Variants in WLS observed in about 807,000 individuals in gnomAD.
The protein encoded by WLS is Wnt ligand secretion mediator.
Under a neutral mutation model 62.8 loss-of-function variants are expected in WLS, and 23 were observed. That is an observed-to-expected ratio of 0.37 (90% CI 0.26 to 0.52). The LOEUF (loss-of-function observed/expected upper bound fraction) is 0.52, where lower values mean the gene tolerates loss of function less well. Ranked by LOEUF, WLS falls within the 20% of genes least tolerant of loss-of-function variation. The probability of loss-of-function intolerance (pLI) is 0.92; values close to 1 mark genes in which losing one functional copy is unlikely to be tolerated. For missense variants in WLS, 615 were observed against 697.3 expected (o/e 0.88, Z 1.33); for synonymous variants, 246 against 244.1 (o/e 1.01, Z -0.07).
At chr1:68,199,928 T>C (rs1025580325) in intron 1 of WLS, among the ~76,000 whole-genome samples, 1 of 152,110 alleles carries the variant, frequency 6.6e-6, no homozygotes, top group African/African-American at 2.4e-5. Context: ...GAAGTCTCAG[T>C]CATCAGGTAA....
At chr1:68,098,816 G>C (rs938200957) in intron 11 of WLS, 578 of 1,566,604 alleles carry the variant, frequency 3.7e-4, no homozygotes, top group Non-Finnish European at 4.6e-4. Flanking sequence ...ATGTAACATG[G>C]AGTTTAGGAC....
rs577487551 is a variant in WLS, at chr1:68,110,353, A to C, written c.1511-11600T>G. ...CAGAAAAATATAACTTGTGAAACCA[A>C]TTGAAGAAATGGAAAACCTAAATAG... On this transcript the variant is annotated intron_variant, in intron 11 of 11. Coordinates refer to the WLS transcript ENST00000354777. Among the ~76,000 whole-genome samples the C allele has an allele frequency of 3.9e-5, 6 of 152,246 alleles. No individual in the cohort carries two copies. In the South Asian group the frequency reaches 1.0e-3, roughly 26 times the overall value.
chr1:68,127,017 C>A (rs1231513094), intron 11 of WLS: 1 of 341,626 alleles, frequency 2.9e-6, no homozygotes, highest in Non-Finnish European at 5.8e-6. Context: ...AGAGCGAGAC[C>A]CTGACTCTAA....
At chr1:68,211,805 G>C (rs1407119013) in intron 1 of WLS, among the ~76,000 whole-genome samples, 1 of 152,184 alleles carries the variant, frequency 6.6e-6, no homozygotes, top group African/African-American at 2.4e-5. Context: ...TGCCATGTCT[G>C]CAAGAAGCCT....
rs771350931 is a variant in WLS at position 68,232,377 on chromosome 1, T to C, written c.-78A>G. 1.5e-4 allele frequency: 225 copies of C among 1,525,838 alleles called. 1 individual carries two copies. Among genetic ancestry groups the C allele is most frequent in the Middle Eastern group, 5.2e-4 (3 of 5,820 alleles). 94.5% of individuals were successfully genotyped at this position (1,525,838 alleles called of 1,614,324 possible). A position where few individuals can be genotyped will look rare whatever the true frequency, so the allele number is the denominator to read the frequency against. On this transcript the variant is annotated 5_prime_UTR_variant, in exon 1 of 12. Coordinates refer to ENST00000262348, the MANE Select transcript of WLS (RefSeq NM_024911.7). Reference sequence around the variant, plus strand: ...CTTTTTGCTCCCTCCTCTCACACACTCCCTCCTTCCTCGCCTCCTTTCTGG... The same window carrying C: ...CTTTTTGCTCCCTCCTCTCACACACCCCCTCCTTCCTCGCCTCCTTTCTGG...
chr1:68,222,176 T>G (rs984954781), intron 1 of WLS, among the ~76,000 whole-genome samples: 1 of 152,178 alleles, frequency 6.6e-6, no homozygotes, highest in African/African-American at 2.4e-5. Flanking sequence ...GCAAGGACTG[T>G]GCTTTGGATT....
intron 2 of WLS, chr1:68,162,948 A>T: frequency 6.3e-7 from 1 of 1,588,224 alleles, no homozygotes; most frequent in South Asian, 1.1e-5. Flanking sequence ...CAGGATGGGC[A>T]TCTCCACAGT....
At chr1:68,194,663 T>C (rs185175472) in intron 1 of WLS, among the ~76,000 whole-genome samples, 13 of 152,310 alleles carry the variant, frequency 8.5e-5, no homozygotes, top group African/African-American at 2.4e-4. Flanking sequence ...GAATCTTGGG[T>C]AAGTCAGTTA....
chr1:68,228,149 C>T, intron 1 of WLS: 1 of 381,956 alleles, frequency 2.6e-6, no homozygotes, highest in South Asian at 2.0e-5. Flanking sequence ...AGGCCACTCA[C>T]ATAAGTTACC....
intron 11 of WLS, among the ~76,000 whole-genome samples, chr1:68,100,264 T>G (rs1198141571): frequency 6.6e-6 from 1 of 152,194 alleles, no homozygotes; most frequent in Non-Finnish European, 1.5e-5. Context: ...CTGGTTCTTT[T>G]CTGCTGCTCT....
At chr1:68,207,146 T>C (rs1415805408) in intron 1 of WLS, among the ~76,000 whole-genome samples, 2 of 152,242 alleles carry the variant, frequency 1.3e-5, no homozygotes, top group East Asian at 3.8e-4. Flanking sequence ...TTTAGCACAG[T>C]GAATTATACC....
intron 2 of WLS, among the ~76,000 whole-genome samples, chr1:68,165,444 T>C (rs1271196485): frequency 6.6e-6 from 1 of 152,162 alleles, no homozygotes; most frequent in Non-Finnish European, 1.5e-5. Flanking sequence ...CTCCAGAACA[T>C]TCTGCCTAGA....
At chr1:68,107,619 TGAGA>T (rs370880598) in intron 11 of WLS, among the ~76,000 whole-genome samples, 1 of 152,146 alleles carries the variant, frequency 6.6e-6, no homozygotes, top group Non-Finnish European at 1.5e-5. Context: ...TACCTCACTC[TGAGA>T]GAGAAGGGGG....
chr1:68,129,905 G>A (rs978516932), intron 11 of WLS, among the ~76,000 whole-genome samples: 1 of 152,210 alleles, frequency 6.6e-6, no homozygotes, highest in Non-Finnish European at 1.5e-5. Context: ...TTAGTTTGCA[G>A]TAAATTTCTC....
intron 2 of WLS, chr1:68,162,199 C>T (rs138222216): frequency 2.1e-6 from 3 of 1,438,700 alleles, no homozygotes; most frequent in African/African-American, 1.4e-5. Flanking sequence ...CTCCGACTCA[C>T]GCACATAGAG....
rs142609210 is a variant in WLS at position 68,223,615 on chromosome 1, T to C, written c.106+8579A>G. 1.6e-4 allele frequency among the ~76,000 whole-genome samples: 25 copies of C among 152,358 alleles called. No homozygotes were observed. In the East Asian group the frequency reaches 4.8e-3, roughly 29 times the overall value. On this transcript the variant is annotated intron_variant, in intron 1 of 11. Transcript: ENST00000262348. The stretch of plus-strand genomic sequence containing the variant: ...CAAAGTCCTCTGGAAATCACATCTC[T>C]GATAGGCCTGGCTCAATGAGACACT...
At chr1:68,193,826 CT>C in intron 2 of WLS, 128 bp downstream of exon 2, 1 of 1,241,430 alleles carries the variant, frequency 8.1e-7, no homozygotes, top group East Asian at 2.5e-5. Context: ...CAGAAAGTGC[CT>C]GGGAAGTAGT....
At chr1:68,138,809 A>C (rs1646647785) in intron 10 of WLS, among the ~76,000 whole-genome samples, 1 of 152,222 alleles carries the variant, frequency 6.6e-6, no homozygotes, top group South Asian at 2.1e-4. Flanking sequence ...TTAAAATGGA[A>C]ATAGAAGAAA....
chr1:68,172,312 A>T (rs1052401297), intron 2 of WLS, among the ~76,000 whole-genome samples: 9 of 31,528 alleles, frequency 2.9e-4, no homozygotes, highest in African/African-American at 1.2e-3. Context: ...AAGTATAATT[A>T]AAAAAAAAAA....
Sources: gnomAD v4.1 joint callset for allele counts (sites outside exome capture counted in the v4.1 genomes callset) on GRCh38, gnomAD v4.1.1 for gene constraint, MANE v1.5 for transcripts, NCBI Gene and HGNC (gene_info 2026-07-23, HGNC 2026-07-21) for gene names.